The following ANKRD31 variants were observed in gnomAD, a reference collection of about 807,000 sequenced individuals.
ANKRD31 encodes ankyrin repeat domain 31, also known as ankyrin repeat domain-containing protein 31.
In ANKRD31, 147 loss-of-function variants were observed where a neutral mutation model predicts 186.0. The observed-to-expected ratio is 0.79, with a 90% CI of 0.69 to 0.91. ANKRD31 has a LOEUF of 0.91. ANKRD31 is among the 40% of genes least tolerant of loss of function. ANKRD31 has a pLI of 0.00. For synonymous variants in ANKRD31, 673 were observed against 736.4 expected (o/e 0.91, Z 1.39); for missense variants, 1,986 against 2,148.8 (o/e 0.92, Z 1.50).
Position 75,188,516 on chromosome 5 carries a change from T to G in ANKRD31, c.1541A>C (p.Asn514Thr). The G allele has an allele frequency of 1.3e-6, 2 of 1,536,022 alleles. No individual in the cohort carries two copies. Among genetic ancestry groups the G allele is most frequent in the Non-Finnish European group, 1.7e-6 (2 of 1,146,406 alleles). Residue 514 changes from asparagine to threonine, a missense_variant, in exon 10 of 26, where the codon AAT becomes ACT. Transcript: ENST00000506364. Reference protein sequence around the residue: ...LVHHCIKKGGNVNQPSYAGWT... With the variant: ...LVHHCIKKGGTVNQPSYAGWT... ...ACCAGCATAACTTGGCTGATTAACA[T>G]TTCCACCTTTTTTTATACAATGATG...
rs1258808378 is a variant in ANKRD31, at chr5:75,146,338, T to C, written c.3073A>G (p.Thr1025Ala). 1 of 1,536,636 alleles carries C rather than the reference T, an allele frequency of 6.5e-7. No individual in the cohort carries two copies. Among genetic ancestry groups the C allele is most frequent in the Admixed American group, 2.0e-5 (1 of 50,948 alleles). Residue 1025 changes from threonine to alanine, a missense_variant, in exon 14 of 26, where the codon ACT (threonine) becomes GCT (alanine). By Grantham distance (58) the Thr-to-Ala change is moderately conservative (BLOSUM62 0). Coordinates refer to ENST00000506364, the MANE Select transcript of ANKRD31 (RefSeq NM_001372053.1). ...TLLTHEASKL[T>A]NHVELFKKPQ... ...TTTTTGAATAGCTCCACATGATTAGTCAACTTTGAAGCCTCATGTGTCAAA... is the reference window on the plus strand; with the variant it reads ...TTTTTGAATAGCTCCACATGATTAGCCAACTTTGAAGCCTCATGTGTCAAA...
chr5:75,148,608 G>A lies in ANKRD31; in HGVS notation c.1873C>T (p.Pro625Ser). The change falls in exon 13 of 26, where the codon CCA becomes TCA. Residue 625 changes from proline (P) to serine (S), a missense_variant. By Grantham distance (74) the Pro-to-Ser change is moderately conservative. Transcript: ENST00000506364. Reference sequence around the variant, plus strand: ...TGGTACACATCCTCTATGTCTAGTGGGTCAATGCTACTCCTTTGAGCTGTA... The same window carrying A: ...TGGTACACATCCTCTATGTCTAGTGAGTCAATGCTACTCCTTTGAGCTGTA... The part of the protein sequence containing the change: ...LTSAQRSSID[P>S]LDIEDVYQHK... 1 of 1,525,908 alleles carries A rather than the reference G, an allele frequency of 6.6e-7. No homozygotes were observed. The highest frequency in any genetic ancestry group is 8.8e-7 in the Non-Finnish European group (1 of 1,140,690). 94.5% of individuals were successfully genotyped at this position (1,525,908 alleles called of 1,614,324 possible).
chr5:75,124,998 T>C (rs1172684542), intron 17 of ANKRD31, among the ~76,000 whole-genome samples: 1 of 152,192 alleles, frequency 6.6e-6, no homozygotes, highest in Non-Finnish European at 1.5e-5. Flanking sequence ...AATACCCTTG[T>C]TTTAAAGCCA....
Position 75,146,305 on chromosome 5 carries a change from C to A in ANKRD31, c.3106G>T (p.Asp1036Tyr). 4 of 1,536,456 alleles carry A rather than the reference C, an allele frequency of 2.6e-6. No individual in the cohort carries two copies. Among genetic ancestry groups the A allele is most frequent in the Non-Finnish European group, 3.5e-6 (4 of 1,146,448 alleles). Residue 1036 changes from aspartate (D) to tyrosine (Y), a missense_variant, in exon 14 of 26, where the codon GAT becomes TAT. By Grantham distance (160) the Asp-to-Tyr change is radical (BLOSUM62 -3). Coordinates refer to ENST00000506364, the MANE Select transcript of ANKRD31 (RefSeq NM_001372053.1). ...AAAGTTGGTGCTCTGGGAATATAATCCTGTGGCTTTTTGAATAGCTCCACA... is the reference window on the plus strand; with the variant it reads ...AAAGTTGGTGCTCTGGGAATATAATACTGTGGCTTTTTGAATAGCTCCACA... ...NHVELFKKPQDYIPRAPTFLM... is the reference protein window; with the variant it reads ...NHVELFKKPQYYIPRAPTFLM...
At chr5:75,069,963 G>A (rs1455393494) in intron 25 of ANKRD31, among the ~76,000 whole-genome samples, 2 of 152,186 alleles carry the variant, frequency 1.3e-5, no homozygotes, top group Non-Finnish European at 2.9e-5. Context: ...GAAATGGAAA[G>A]CAAGAGAAAC....
At position 75,104,562 on chromosome 5, in the gene ANKRD31, T is replaced by C. The variant is rs962536215; in HGVS notation, c.4997A>G (p.Asp1666Gly). 4.2e-5 allele frequency: 65 copies of C among 1,536,488 alleles called. No homozygotes were observed. In the Admixed American group the frequency reaches 1.2e-3, roughly 27 times the overall value. ...TCTTTTGGGATCATAATTGGAAAGG[T>C]CCTGATCACAAATAATATTTGATGG... ...AHPSNIICDQ[D>G]LSNYDPKRGN... The change falls in exon 22 of 26, where the codon GAC becomes GGC. Residue 1666 changes from aspartate (D) to glycine (G), a missense_variant. By Grantham distance (94) the Asp-to-Gly change is moderately conservative (BLOSUM62 -1). Transcript: ENST00000506364.
chr5:75,233,282 C>T (rs77432023), intron 1 of ANKRD31, among the ~76,000 whole-genome samples: 1 of 151,776 alleles, frequency 6.6e-6, no homozygotes, highest in African/African-American at 2.4e-5. Flanking sequence ...AGGCTGGTCT[C>T]GAACTCCTGA....
At chr5:75,167,970 C>G (rs1055800756) in intron 11 of ANKRD31, among the ~76,000 whole-genome samples, 1 of 152,004 alleles carries the variant, frequency 6.6e-6, no homozygotes, top group African/African-American at 2.4e-5. Context: ...TGTCACATGT[C>G]CAAGCCTGCA....
intron 5 of ANKRD31, among the ~76,000 whole-genome samples, chr5:75,205,003 C>T (rs568873956): frequency 1.1e-4 from 16 of 152,034 alleles, no homozygotes; most frequent in African/African-American, 3.6e-4. Context: ...GCAGCTGAGA[C>T]TATAGGCATG....
chr5:75,147,955 G>T (rs1280640302), intron 13 of ANKRD31, among the ~76,000 whole-genome samples: 2 of 151,744 alleles, frequency 1.3e-5, no homozygotes, highest in Non-Finnish European at 2.9e-5. Context: ...AAAGAAAGCA[G>T]ATTCCAGTAG....
chr5:75,139,044 T>C, intron 15 of ANKRD31, 61 bp from the exon 16 acceptor site: 6 of 1,507,660 alleles, frequency 4.0e-6, no homozygotes, highest in Non-Finnish European at 5.3e-6. Context: ...ATAAAGGATC[T>C]TAGAAAATAC....
intron 12 of ANKRD31, among the ~76,000 whole-genome samples, chr5:75,152,169 C>G (rs890110158): frequency 6.6e-6 from 1 of 152,034 alleles, no homozygotes; most frequent in Non-Finnish European, 1.5e-5. Flanking sequence ...GGATCTTCAG[C>G]TTTTCCTTCA....
At chr5:75,171,543 T>C (rs1024226953) in intron 10 of ANKRD31, among the ~76,000 whole-genome samples, 227 of 151,992 alleles carry the variant, frequency 1.5e-3, no homozygotes, top group Non-Finnish European at 2.3e-3. Context: ...CCTCATTTTC[T>C]ACCTTATTAA....
At chr5:75,193,802 A>C (rs939374437) in intron 7 of ANKRD31, among the ~76,000 whole-genome samples, 1 of 152,208 alleles carries the variant, frequency 6.6e-6, no homozygotes, top group Non-Finnish European at 1.5e-5. Context: ...GCTTAAGAGC[A>C]TAAGTAAAAA....
intron 10 of ANKRD31, among the ~76,000 whole-genome samples, chr5:75,171,089 A>C (rs941074783): frequency 7.2e-5 from 11 of 151,818 alleles, no homozygotes; most frequent in African/African-American, 2.7e-4. Flanking sequence ...AAAATCAATA[A>C]AGATATAGAA....
At chr5:75,120,320 G>C (rs1010401321) in intron 17 of ANKRD31, among the ~76,000 whole-genome samples, 3 of 152,096 alleles carry the variant, frequency 2.0e-5, no homozygotes, top group African/African-American at 4.8e-5. Context: ...ACTTGACCCT[G>C]GGAGGTCAAG....
At chr5:75,074,782 C>G (rs997552913) in intron 25 of ANKRD31, among the ~76,000 whole-genome samples, 7 of 151,936 alleles carry the variant, frequency 4.6e-5, no homozygotes, top group African/African-American at 1.7e-4. Flanking sequence ...AATTTTTGTT[C>G]TGTTTGAATT....
rs1049462910 is a variant in ANKRD31 at position 75,118,414 on chromosome 5, A to G, written c.3877-117T>C. 4.9e-6 allele frequency: 5 copies of G among 1,027,388 alleles called. No individual in the cohort carries two copies. In the African/African-American group the frequency reaches 6.7e-5, roughly 14 times the overall value. 63.6% of individuals were successfully genotyped at this position (1,027,388 alleles called of 1,614,324 possible). A position where few individuals can be genotyped will look rare whatever the true frequency, so the allele number is the denominator to read the frequency against. On this transcript the variant is annotated intron_variant, in intron 17 of 25. Transcript: ENST00000506364. ...CTATCAAAAGAATGTTTTCAAACTC[A>G]GGTCAAGAAAATTTTTTATTAAAAT...
intron 25 of ANKRD31, among the ~76,000 whole-genome samples, chr5:75,078,316 A>G (rs1744822800): frequency 6.6e-6 from 1 of 152,216 alleles, no homozygotes; most frequent in Non-Finnish European, 1.5e-5. Context: ...GAAATGACAA[A>G]GCATGATAAT....
Sources: allele counts gnomAD v4.1 joint callset (sites outside exome capture counted in the v4.1 genomes callset), GRCh38; gene constraint gnomAD v4.1.1; transcripts MANE v1.5; gene names NCBI Gene and HGNC (gene_info 2026-07-23, HGNC 2026-07-21).